The following SYT5 variants were observed in gnomAD, a reference collection of about 807,000 sequenced individuals.
SYT5 encodes synaptotagmin 5.
SYT5 carries 29 observed loss-of-function variants against 36.0 expected under a neutral mutation model. That is an observed-to-expected ratio of 0.81 (90% confidence interval 0.60 to 1.10). The LOEUF is 1.10. Among genes scored for constraint, SYT5 ranks in the 50% least tolerant of loss-of-function variants. The pLI is 0.00. For synonymous variants in SYT5, 231 were observed against 227.6 expected, an observed-to-expected ratio of 1.02 and a Z score of -0.14; for missense variants, 512 against 516.0, an observed-to-expected ratio of 0.99 and a Z score of 0.08.
In SYT5 at chr19:55,175,217, C is replaced by A. The variant is rs777460843; in HGVS notation, c.663G>T (p.Arg221=). 23 of 1,610,614 alleles carry A rather than the reference C, an allele frequency of 1.4e-5. No individual in the cohort carries two copies. Among genetic ancestry groups the A allele is most frequent in the Non-Finnish European group, 5.9e-6 (7 of 1,178,784 alleles). ...RVPMSSVDLG[R]PVQAWRELQA... is the part of the protein sequence containing the mutation. ...GCAGCTCCCGCCAGGCCTGCACTGG[C>A]CGCCCCAGGTCCACGGAGCTCATAG... Residue 221 remains arginine, a synonymous_variant, in exon 6 of 9, where the codon CGG becomes CGT. Coordinates refer to ENST00000354308, the MANE Select transcript of SYT5 (RefSeq NM_003180.3). The surrounding 1 kb of genome is among the most constrained non-coding windows in gnomAD (Gnocchi z 4.5).
intron 3 of SYT5, 80 bp downstream of exon 3, chr19:55,178,116 C>G: frequency 6.7e-7 from 1 of 1,489,122 alleles, no homozygotes; most frequent in Non-Finnish European, 9.0e-7. Flanking sequence ...CAGAAGGGAG[C>G]AGGGACTGGG....
At position 55,173,926 on chromosome 19, in the gene SYT5, G is replaced by T; in HGVS notation, c.961-242C>A. On this transcript the variant is annotated intron_variant, in intron 8 of 8. Transcript: ENST00000354308. The surrounding 1 kb of genome is among the most constrained non-coding windows in gnomAD (Gnocchi z 5.4). ...TAAGGAAATGAACCCTCAGGACTCGGTTGCGGAGCGGGTGTGTTCGGCGCC... is the reference window on the plus strand; with the variant it reads ...TAAGGAAATGAACCCTCAGGACTCGTTTGCGGAGCGGGTGTGTTCGGCGCC... 1 of 414,860 alleles carries T rather than the reference G, an allele frequency of 2.4e-6. No homozygotes were observed. Among genetic ancestry groups the T allele is most frequent in the Non-Finnish European group, 4.2e-6 (1 of 240,358 alleles). The allele number at this position is 414,860 out of a possible 1,614,324, so 25.7% of individuals were successfully genotyped here. A position where few individuals can be genotyped will look rare whatever the true frequency, so the allele number is the denominator to read the frequency against.
At chr19:55,176,160 C>T (rs2086074997) in intron 3 of SYT5, 36 bp from the exon 4 acceptor site, 1 of 1,613,010 alleles carries the variant, frequency 6.2e-7, no homozygotes, top group Non-Finnish European at 8.5e-7. Flanking sequence ...GTGAAGTCTT[C>T]CCCTGATAGC....
chr19:55,174,766 C>G (rs2086051844), intron 7 of SYT5, 116 bp from the exon 8 acceptor site: 1 of 1,573,408 alleles, frequency 6.4e-7, no homozygotes, highest in Non-Finnish European at 8.7e-7. Flanking sequence ...TCCATGCCTT[C>G]CACAGCAGCC....
In SYT5 at chr19:55,174,183, C is replaced by CTTAGGAGT. The variant is rs2086041661; in HGVS notation, c.960+333_960+334insACTCCTAA. Reference sequence around the variant, plus strand: ...GGGGCATCCTGGTCCTGCTTGGGGGCGGGGCATCCTGGTCCTGCTTGGGGG... The same window carrying CTTAGGAGT: ...GGGGCATCCTGGTCCTGCTTGGGGGCTTAGGAGTGGGGCATCCTGGTCCTGCTTGGGGG... On this transcript the variant is annotated intron_variant, in intron 8 of 8. Coordinates refer to ENST00000354308, the MANE Select transcript of SYT5 (RefSeq NM_003180.3). Among the ~76,000 whole-genome samples the CTTAGGAGT allele has an allele frequency of 4.5e-4, 67 of 147,846 alleles. 1 individual carries two copies. The highest frequency in any genetic ancestry group is 1.7e-3 in the African/African-American group (65 of 39,372).
At chr19:55,174,708 T>C (rs1484086396) in intron 7 of SYT5, 58 bp from the exon 8 acceptor site, 5 of 1,611,978 alleles carry the variant, frequency 3.1e-6, no homozygotes, top group South Asian at 1.1e-5. Flanking sequence ...TGGACCAACA[T>C]AGAAACACTG....
Position 55,173,156 on chromosome 19 carries a change from AAG to A in SYT5, c.*326_*327del, listed in dbSNP as rs1408840564. ...GCAGTGCAGGGATGGGCTGTGTTGG[AAG>A]AGAGAGGAGAGCAGACGAGGATGGC... is the stretch of plus-strand genomic sequence containing the variant. On this transcript the variant is annotated 3_prime_UTR_variant, in exon 9 of 9. Coordinates refer to ENST00000354308, the MANE Select transcript of SYT5 (RefSeq NM_003180.3). This position sits in a 1 kb window ranked among gnomAD's most constrained non-coding sequence, Gnocchi z 5.4. 4 of 284,530 alleles carry A rather than the reference AAG, an allele frequency of 1.4e-5. No homozygotes were observed. Among genetic ancestry groups the A allele is most frequent in the Non-Finnish European group, 2.6e-5 (4 of 152,804 alleles). The allele number at this position is 284,530 out of a possible 1,614,324, so 17.6% of individuals were successfully genotyped here.
Position 55,180,234 on chromosome 19 carries a change from G to C in SYT5, c.-163C>G, listed in dbSNP as rs1023030265. ...CCGGGTGCTGATCGCGGAGCTCTCCGGGGCGGGGGAGCCGCGGAGCGGAGC... is the reference window on the plus strand; with the variant it reads ...CCGGGTGCTGATCGCGGAGCTCTCCCGGGCGGGGGAGCCGCGGAGCGGAGC... On this transcript the variant is annotated 5_prime_UTR_variant, in exon 1 of 9. Transcript: ENST00000354308. 2.0e-5 allele frequency: 3 copies of C among 152,520 alleles called. No individual in the cohort carries two copies. The highest frequency in any genetic ancestry group is 4.4e-5 in the Non-Finnish European group (3 of 68,218). 9.4% of individuals were successfully genotyped at this position (152,520 alleles called of 1,614,324 possible). A position where few individuals can be genotyped will look rare whatever the true frequency, so the allele number is the denominator to read the frequency against.
In SYT5 at chr19:55,179,031, T is replaced by TCCGG; in HGVS notation, c.7_10dup (p.Glu4AlafsTer106). 1 of 1,605,356 alleles carries TCCGG rather than the reference T, an allele frequency of 6.2e-7. No individual in the cohort carries two copies. Among genetic ancestry groups the TCCGG allele is most frequent in the Non-Finnish European group, 8.5e-7 (1 of 1,176,974 alleles). ...CGATGGAGGCCCCGGGGTTGGGGGC[T>TCCGG]CCGGGAACATGGTGGCGGGGTCCTG... On this transcript the variant is annotated frameshift_variant, in exon 2 of 9. Coordinates refer to ENST00000354308, the MANE Select transcript of SYT5 (RefSeq NM_003180.3). LOFTEE classifies it high-confidence loss of function. This position sits in a 1 kb window ranked among gnomAD's most constrained non-coding sequence, Gnocchi z 4.5.
chr19:55,179,559 A>C lies in SYT5; in HGVS notation c.-45-473T>G. 5.1e-6 allele frequency: 1 copy of C among 195,784 alleles called. No homozygotes were observed. Among genetic ancestry groups the C allele is most frequent in the Non-Finnish European group, 1.0e-5 (1 of 96,808 alleles). The allele number at this position is 195,784 out of a possible 1,614,324, so 12.1% of individuals were successfully genotyped here. On this transcript the variant is annotated intron_variant, in intron 1 of 8. Coordinates refer to ENST00000354308, the MANE Select transcript of SYT5 (RefSeq NM_003180.3). The surrounding 1 kb of genome is among the most constrained non-coding windows in gnomAD (Gnocchi z 4.5). The stretch of plus-strand genomic sequence containing the variant: ...CACCGGTGCCTGGGAACCCCCCAAT[A>C]GCCCGACTGGGATCCTGAGGTCCCG...
In SYT5 at chr19:55,175,172, C is replaced by G. The variant is rs1479830852; in HGVS notation, c.708G>C (p.Glu236Asp). The G allele has an allele frequency of 6.3e-7, 1 of 1,596,230 alleles. No homozygotes were observed. Among genetic ancestry groups the G allele is most frequent in the Non-Finnish European group, 8.5e-7 (1 of 1,173,642 alleles). ...TCGGGGCGCGACCGCGCATGCTCAC[C>G]TCCTCCCGCGGAGCCGCCTGCAGCT... ...WRELQAAPRE[E>D]QEKLGDICFS... Residue 236 changes from glutamate (E) to aspartate (D), a missense_variant and splice_region_variant, in exon 6 of 9, where the codon GAG (glutamate) becomes GAC (aspartate). Physicochemically the swap from Glu to Asp is conservative, Grantham distance 45. Transcript: ENST00000354308. The surrounding 1 kb of genome is among the most constrained non-coding windows in gnomAD (Gnocchi z 4.5).
Position 55,178,327 on chromosome 19 carries a change from G to C in SYT5, c.121C>G (p.Leu41Val). 1 of 1,612,194 alleles carries C rather than the reference G, an allele frequency of 6.2e-7. No individual in the cohort carries two copies. Among genetic ancestry groups the C allele is most frequent in the Admixed American group, 1.7e-5 (1 of 59,742 alleles). The change falls in exon 3 of 9, where the codon CTC becomes GTC. Residue 41 changes from leucine (L) to valine (V), a missense_variant. Leu to Val is a conservative substitution (Grantham distance 32). Coordinates refer to ENST00000354308, the MANE Select transcript of SYT5 (RefSeq NM_003180.3). ...ALATIVLVSG[L>V]LIFSCCFCLY... Reference sequence around the variant, plus strand: ...CAGAAACAGCAGCTGAAGATGAGGAGGCCTGAGACCAGCACGATGGTGGCC... The same window carrying C: ...CAGAAACAGCAGCTGAAGATGAGGACGCCTGAGACCAGCACGATGGTGGCC...
chr19:55,179,101 C>A lies in SYT5; in HGVS notation c.-45-15G>T. On this transcript the variant is annotated splice_polypyrimidine_tract_variant and intron_variant, in intron 1 of 8. Transcript: ENST00000354308. This position sits in a 1 kb window ranked among gnomAD's most constrained non-coding sequence, Gnocchi z 4.5. ...ACTCAAGCACCCTAGTCCCCCATTC[C>A]CACCCCAGACGTCCTTTGAGCCCCA... 2 of 1,556,464 alleles carry A rather than the reference C, an allele frequency of 1.3e-6. No individual in the cohort carries two copies. The highest frequency in any genetic ancestry group is 2.4e-5 in the East Asian group (1 of 41,966).
intron 3 of SYT5, chr19:55,177,478 T>C (rs963732379): frequency 1.3e-5 from 2 of 152,250 alleles, no homozygotes; most frequent in Admixed American, 1.3e-4. Context: ...TTTAAACTTT[T>C]TCCTACTGTA....
chr19:55,176,446 A>G (rs1433587080), intron 3 of SYT5, among the ~76,000 whole-genome samples: 1 of 152,216 alleles, frequency 6.6e-6, no homozygotes. Context: ...TTCACATGCT[A>G]ATGGATGTAC....
rs2086014326 is a variant in SYT5, at chr19:55,172,384, G to GC, written c.*1099dup. 1 of 151,126 alleles carries GC rather than the reference G, an allele frequency of 6.6e-6. No individual in the cohort carries two copies. Among genetic ancestry groups the GC allele is most frequent in the African/African-American group, 2.4e-5 (1 of 41,000 alleles). 9.4% of individuals were successfully genotyped at this position (151,126 alleles called of 1,614,324 possible). A position where few individuals can be genotyped will look rare whatever the true frequency, so the allele number is the denominator to read the frequency against. The stretch of plus-strand genomic sequence containing the variant: ...TGCAGTGAGCCGAAATCGTGCCACT[G>GC]CACTCCAGCCTGGGCGACAAAGTGA... On this transcript the variant is annotated 3_prime_UTR_variant, in exon 9 of 9. Coordinates refer to ENST00000354308, the MANE Select transcript of SYT5 (RefSeq NM_003180.3).
In SYT5 at chr19:55,179,496, G is replaced by A. The variant is rs1172399573; in HGVS notation, c.-45-410C>T. On this transcript the variant is annotated intron_variant, in intron 1 of 8. Transcript: ENST00000354308. The surrounding 1 kb of genome is among the most constrained non-coding windows in gnomAD (Gnocchi z 4.5). ...GGACAACGGGCGGGGCTGACGCACA[G>A]ACGCGGAGTCCCGGCGGGGCAGGCT... The A allele has an allele frequency of 3.3e-6, 1 of 304,606 alleles. No individual in the cohort carries two copies. Among genetic ancestry groups the A allele is most frequent in the African/African-American group, 2.2e-5 (1 of 46,398 alleles). The allele number at this position is 304,606 out of a possible 1,614,324, so 18.9% of individuals were successfully genotyped here.
chr19:55,176,329 A>G, intron 3 of SYT5: 1 of 651,194 alleles, frequency 1.5e-6, no homozygotes, highest in Non-Finnish European at 2.6e-6. Context: ...TGAAGGTTTG[A>G]TTAGTGGTGT....
Position 55,175,902 on chromosome 19 carries a change from A to G in SYT5, c.373-26T>C. ...CTGCAGGGCCCAGGCACAGTGGGGG[A>G]GGTGGGGAACACTAGTCTTAGCCTC... On this transcript the variant is annotated intron_variant, in intron 4 of 8. Transcript: ENST00000354308. This position sits in a 1 kb window ranked among gnomAD's most constrained non-coding sequence, Gnocchi z 4.5. 2.5e-6 allele frequency: 4 copies of G among 1,613,478 alleles called. No individual in the cohort carries two copies. The highest frequency in any genetic ancestry group is 3.4e-6 in the Non-Finnish European group (4 of 1,179,722).
Sources: gnomAD v4.1 joint callset for allele counts (sites outside exome capture counted in the v4.1 genomes callset) on GRCh38, gnomAD v4.1.1 for gene constraint, Gnocchi (gnomAD v3.1) non-coding constraint, MANE v1.5 for transcripts, NCBI Gene and HGNC (gene_info 2026-07-23, HGNC 2026-07-21) for gene names.